IL1RAPL2: variants seen among roughly 807,000 people sequenced by gnomAD.
IL1RAPL2 encodes interleukin 1 receptor accessory protein like 2.
In IL1RAPL2, 3 loss-of-function variants were observed where a neutral mutation model predicts 44.1. The observed-to-expected ratio is 0.07, with a 90% CI of 0.03 to 0.18. The LOEUF (loss-of-function observed/expected upper bound fraction) is 0.18, where lower values mean the gene tolerates loss of function less well. Ranked by LOEUF, IL1RAPL2 falls within the 10% of genes least tolerant of loss-of-function variation. The pLI is 1.00. For synonymous variants in IL1RAPL2, 181 were observed against 178.8 expected (o/e 1.01, Z -0.10); for missense variants, 391 against 496.4 (o/e 0.79, Z 2.02).
At chrX:105,505,926 T>C (rs751804294) in intron 6 of IL1RAPL2, among the ~76,000 whole-genome samples, 2 of 111,547 alleles carry the variant, frequency 1.8e-5, no homozygotes, top group African/African-American at 6.5e-5. Context: ...GTCTAAGGTA[T>C]TGGTGGAGAT....
At chrX:104,642,548 G>T (rs888966982) in intron 1 of IL1RAPL2, among the ~76,000 whole-genome samples, 5 of 110,153 alleles carry the variant, frequency 4.5e-5, no homozygotes, top group Non-Finnish European at 7.6e-5. Context: ...CCAATGGCAC[G>T]ATCTCGGCTC....
intron 5 of IL1RAPL2, among the ~76,000 whole-genome samples, chrX:105,356,599 A>G (rs1473109808): frequency 9.0e-6 from 1 of 111,544 alleles, no homozygotes; most frequent in Non-Finnish European, 1.9e-5. Flanking sequence ...AGGATGTGCC[A>G]CAAGCCTGGC....
At chrX:105,652,827 G>A (rs1049317951) in intron 6 of IL1RAPL2, among the ~76,000 whole-genome samples, 1 of 111,169 alleles carries the variant, frequency 9.0e-6, no homozygotes, top group Non-Finnish European at 1.9e-5. Flanking sequence ...TTATAGTAGT[G>A]TAAATGCAAA....
chrX:104,912,438 T>C (rs898143449), intron 2 of IL1RAPL2, among the ~76,000 whole-genome samples: 10 of 110,630 alleles, frequency 9.0e-5, no homozygotes, highest in African/African-American at 1.3e-4. Context: ...CAAAAGGCAA[T>C]CCCATCCTCT....
intron 5 of IL1RAPL2, among the ~76,000 whole-genome samples, chrX:105,449,743 CA>C (rs758801967): frequency 2.9e-5 from 3 of 102,920 alleles, no homozygotes; most frequent in East Asian, 3.1e-4. Flanking sequence ...GAGATTCCGT[CA>C]AAAAAAAAAC....
At chrX:104,843,629 C>A (rs1921967250) in intron 2 of IL1RAPL2, among the ~76,000 whole-genome samples, 1 of 109,937 alleles carries the variant, frequency 9.1e-6, no homozygotes, top group Non-Finnish European at 1.9e-5. Flanking sequence ...CTCACTGTTT[C>A]CCTTGCCTGG....
Position 105,453,653 on chromosome X carries a change from A to G in IL1RAPL2, c.698-30660A>G, listed in dbSNP as rs995951147. 2.7e-5 allele frequency among the ~76,000 whole-genome samples: 3 copies of G among 112,025 alleles called. No homozygotes were observed. In the East Asian group the frequency reaches 8.5e-4, roughly 32 times the overall value. Reference sequence around the variant, plus strand: ...AGATACAGGCTTATGCAAATTAATAATAAGTGCCTTTTCATCTTACATTCT... The same window carrying G: ...AGATACAGGCTTATGCAAATTAATAGTAAGTGCCTTTTCATCTTACATTCT... On this transcript the variant is annotated intron_variant, in intron 5 of 10. Coordinates refer to ENST00000372582, the MANE Select transcript of IL1RAPL2 (RefSeq NM_017416.2).
chrX:104,737,395 A>C (rs1932032539), intron 2 of IL1RAPL2, among the ~76,000 whole-genome samples: 1 of 112,455 alleles, frequency 8.9e-6, no homozygotes, highest in Admixed American at 9.4e-5. Context: ...TCATGCGTAT[A>C]GGTTCTGTCT....
chrX:104,767,121 C>T (rs1287822765), intron 2 of IL1RAPL2, among the ~76,000 whole-genome samples: 1 of 111,928 alleles, frequency 8.9e-6, no homozygotes, highest in Non-Finnish European at 1.9e-5. Flanking sequence ...TAGTACATTT[C>T]AGGAAATTAG....
intron 6 of IL1RAPL2, among the ~76,000 whole-genome samples, chrX:105,562,532 CACACACACACACACACAT>C (rs1363742048): frequency 4.7e-5 from 5 of 106,968 alleles, no homozygotes; most frequent in Admixed American, 2.0e-4. Flanking sequence ...CACACACACA[CACACACACACACACACAT>C]ACACACACCA....
chrX:104,601,154 G>T (rs1304925034), intron 1 of IL1RAPL2, among the ~76,000 whole-genome samples: 1 of 111,136 alleles, frequency 9.0e-6, no homozygotes, highest in Non-Finnish European at 1.9e-5. Flanking sequence ...TATACTTTAA[G>T]TTTTAGGGTA....
At chrX:104,910,523 C>T (rs1256642882) in intron 2 of IL1RAPL2, among the ~76,000 whole-genome samples, 1 of 111,777 alleles carries the variant, frequency 8.9e-6, no homozygotes, top group Non-Finnish European at 1.9e-5. Flanking sequence ...CCCCTAGCCC[C>T]CTGTCCCCTG....
intron 2 of IL1RAPL2, among the ~76,000 whole-genome samples, chrX:105,141,531 G>A (rs1034949547): frequency 9.0e-6 from 1 of 111,650 alleles, no homozygotes; most frequent in Non-Finnish European, 1.9e-5. Context: ...CCATGTTTCA[G>A]AATATTTAGT....
At chrX:105,455,141 A>T (rs1345548731) in intron 5 of IL1RAPL2, among the ~76,000 whole-genome samples, 3 of 112,187 alleles carry the variant, frequency 2.7e-5, no homozygotes, top group Non-Finnish European at 5.6e-5. Flanking sequence ...TAAAATAATA[A>T]TCCTAAGGAA....
At chrX:105,682,331 C>A (rs1251446207) in intron 6 of IL1RAPL2, among the ~76,000 whole-genome samples, 3 of 110,896 alleles carry the variant, frequency 2.7e-5, no homozygotes, top group African/African-American at 9.8e-5. Context: ...TAAAAAGATT[C>A]AGTAAGTATG....
At chrX:105,406,982 A>T (rs1312239570) in intron 5 of IL1RAPL2, 1 of 1,099,854 alleles carries the variant, frequency 9.1e-7, no homozygotes, top group Non-Finnish European at 1.3e-6. Flanking sequence ...AGAGGGTCCA[A>T]CGTGAAGGGA....
chrX:104,802,410 AAAGTT>A (rs1289284591), intron 2 of IL1RAPL2, among the ~76,000 whole-genome samples: 24 of 110,873 alleles, frequency 2.2e-4, no homozygotes, highest in Non-Finnish European at 4.3e-4. Flanking sequence ...CTTTCAAAGA[AAAGTT>A]AAAATATGCA....
At chrX:105,507,286 C>T (rs918714933) in intron 6 of IL1RAPL2, among the ~76,000 whole-genome samples, 4 of 111,877 alleles carry the variant, frequency 3.6e-5, no homozygotes, top group African/African-American at 9.7e-5. Flanking sequence ...TTGACCTTTT[C>T]GACAACGTAT....
At chrX:105,061,163 T>C (rs977881793) in intron 2 of IL1RAPL2, among the ~76,000 whole-genome samples, 1 of 111,656 alleles carries the variant, frequency 9.0e-6, no homozygotes, top group African/African-American at 3.2e-5. Flanking sequence ...AACTTTTTAA[T>C]GCAGGAACTT....
Sources: gnomAD v4.1 joint callset for allele counts (sites outside exome capture counted in the v4.1 genomes callset) on GRCh38, gnomAD v4.1.1 for gene constraint, MANE v1.5 for transcripts, NCBI Gene and HGNC (gene_info 2026-07-23, HGNC 2026-07-21) for gene names.